CD46: variants seen among roughly 807,000 people sequenced by gnomAD.
CD46 encodes CD46 molecule, also known as membrane cofactor protein.
In CD46, 30 loss-of-function variants were observed where a neutral mutation model predicts 53.3. The observed-to-expected ratio is 0.56, with a 90% CI of 0.42 to 0.76. The LOEUF is 0.76. CD46 is among the 30% of genes least tolerant of loss of function. CD46 has a pLI of 0.00. For synonymous variants in CD46, 142 were observed against 152.0 expected (o/e 0.93, Z 0.48); for missense variants, 409 against 463.0 (o/e 0.88, Z 1.07).
chr1:207,767,603 C>G (rs1657009514), intron 6 of CD46, 176 bp from the exon 7 acceptor site: 1 of 1,611,034 alleles, frequency 6.2e-7, no homozygotes, highest in Non-Finnish European at 8.5e-7. Flanking sequence ...ATTTTGTTTC[C>G]TAGTGCTGCC....
chr1:207,789,324 T>G (rs1447175506), intron 11 of CD46, among the ~76,000 whole-genome samples: 3 of 152,214 alleles, frequency 2.0e-5, no homozygotes, highest in African/African-American at 7.2e-5. Flanking sequence ...TGACTTTTAA[T>G]GTTACATTAA....
At chr1:207,754,259 T>C (rs552615329) in intron 1 of CD46, among the ~76,000 whole-genome samples, 1 of 152,322 alleles carries the variant, frequency 6.6e-6, no homozygotes, top group African/African-American at 2.4e-5. Context: ...GGGGCATCTG[T>C]GCTTGCTGTT....
At chr1:207,776,519 A>G (rs906409698) in intron 8 of CD46, among the ~76,000 whole-genome samples, 19 of 152,378 alleles carry the variant, frequency 1.2e-4, no homozygotes, top group African/African-American at 3.8e-4. Context: ...AAATTTTTTT[A>G]AATTAAAAAC....
chr1:207,792,614 G>A (rs1010518809), intron 12 of CD46, among the ~76,000 whole-genome samples: 8 of 152,228 alleles, frequency 5.3e-5, no homozygotes, highest in African/African-American at 1.7e-4. Context: ...ATGCTTAGCT[G>A]TGACATTGGA....
In CD46 at chr1:207,773,605, C is replaced by T. The variant is rs1410052838; in HGVS notation, c.943+3243C>T. 2.0e-5 allele frequency among the ~76,000 whole-genome samples: 3 copies of T among 152,094 alleles called. No individual in the cohort carries two copies. The East Asian group carries it at 5.8e-4, about 29-fold the overall frequency. On this transcript the variant is annotated intron_variant, in intron 8 of 12. Coordinates refer to ENST00000367042, the MANE Select transcript of CD46 (RefSeq NM_172351.3). ...TTCTGGTACGTTGTATCTTTGTTCT[C>T]GTTGGTTTTAAAGAACAACTTTATT...
At chr1:207,754,921 A>G (rs914627856) in intron 1 of CD46, among the ~76,000 whole-genome samples, 3 of 150,570 alleles carry the variant, frequency 2.0e-5, no homozygotes, top group African/African-American at 7.4e-5. Flanking sequence ...CAGCCTGGAC[A>G]GCATAAGCAG....
intron 8 of CD46, among the ~76,000 whole-genome samples, chr1:207,776,569 A>G (rs1490700425): frequency 2.6e-5 from 4 of 152,318 alleles, no homozygotes; most frequent in South Asian, 4.1e-4. Context: ...TTTTTAAATG[A>G]TGGGTGAAAA....
chr1:207,785,717 C>A, intron 11 of CD46, 35 bp downstream of exon 11: 3 of 1,322,756 alleles, frequency 2.3e-6, no homozygotes, highest in South Asian at 2.4e-5. Context: ...ACTTCTTGGT[C>A]CTTCTTATAC....
chr1:207,757,230 C>G (rs780889688), intron 2 of CD46, 28 bp downstream of exon 2: 2 of 1,521,294 alleles, frequency 1.3e-6, no homozygotes, highest in African/African-American at 2.8e-5. Flanking sequence ...TTTTTTTTTT[C>G]TGCTTGCTCT....
In CD46 at chr1:207,764,133, C is replaced by T. The variant is rs554018212; in HGVS notation, c.673+2687C>T. Among the ~76,000 whole-genome samples, 60 of 152,246 alleles carry T rather than the reference C, an allele frequency of 3.9e-4. 1 individual carries two copies. The highest frequency in any genetic ancestry group is 3.3e-3 in the South Asian group (16 of 4,820). ...AGAGACCTCAGATCCCCTCAGGTGGCGCCTTGTGATAGGCGGTGTTCTGGG... is the reference window on the plus strand; with the variant it reads ...AGAGACCTCAGATCCCCTCAGGTGGTGCCTTGTGATAGGCGGTGTTCTGGG... On this transcript the variant is annotated intron_variant, in intron 5 of 12. Coordinates refer to ENST00000367042, the MANE Select transcript of CD46 (RefSeq NM_172351.3).
chr1:207,781,941 GA>G (rs146835484), intron 8 of CD46, among the ~76,000 whole-genome samples: 3 of 144,628 alleles, frequency 2.1e-5, no homozygotes, highest in Admixed American at 1.4e-4. Context: ...TTCTATTTCA[GA>G]AAAAAAAAAC....
intron 3 of CD46, 102 bp from the exon 4 acceptor site, chr1:207,759,537 C>T (rs1655949963): frequency 2.9e-6 from 2 of 692,044 alleles, no homozygotes; most frequent in African/African-American, 1.8e-5. Context: ...CCCCCTCAAA[C>T]TACTGTAGTG....
chr1:207,793,578 A>G lies in CD46; in HGVS notation c.*101A>G. 6.2e-7 allele frequency: 1 copy of G among 1,613,908 alleles called. No individual in the cohort carries two copies. The highest frequency in any genetic ancestry group is 1.1e-5 in the South Asian group (1 of 91,080). Reference sequence around the variant, plus strand: ...CAGACTAAATCAACCACTCCAGCAGAGCAGAGAGGCTGAATAGATTCCACA... The same window carrying G: ...CAGACTAAATCAACCACTCCAGCAGGGCAGAGAGGCTGAATAGATTCCACA... On this transcript the variant is annotated 3_prime_UTR_variant, in exon 13 of 13. Transcript: ENST00000367042.
rs575090473 is a variant in CD46 at position 207,790,462 on chromosome 1, A to G, written c.*41+117A>G. 2.6e-4 allele frequency: 167 copies of G among 641,300 alleles called. 1 individual carries two copies. The highest frequency in any genetic ancestry group is 1.2e-3 in the Middle Eastern group (3 of 2,406). The allele number at this position is 641,300 out of a possible 1,614,324, so 39.7% of individuals were successfully genotyped here. A position where few individuals can be genotyped will look rare whatever the true frequency, so the allele number is the denominator to read the frequency against. On this transcript the variant is annotated intron_variant, in intron 12 of 12. Coordinates refer to ENST00000367042, the MANE Select transcript of CD46 (RefSeq NM_172351.3). ...ATTGGCAGTAAATATCAAAGAGGAA[A>G]TTTACATTCCTGTTCCCTTTGCTAA...
intron 3 of CD46, 26 bp downstream of exon 3, chr1:207,757,668 G>A (rs2102542328): frequency 7.3e-7 from 1 of 1,365,006 alleles, no homozygotes; most frequent in Non-Finnish European, 1.0e-6. Flanking sequence ...GAGGAAATAA[G>A]GGAAGTGTTA....
intron 2 of CD46, among the ~76,000 whole-genome samples, 161 bp from the exon 3 acceptor site, chr1:207,757,379 A>G: frequency 6.6e-6 from 1 of 152,214 alleles, no homozygotes; most frequent in East Asian, 1.9e-4. Flanking sequence ...TTTCCTGGCA[A>G]TAGATTGCCT....
At chr1:207,778,715 A>AT (rs1180058122) in intron 8 of CD46, among the ~76,000 whole-genome samples, 6 of 152,176 alleles carry the variant, frequency 3.9e-5, no homozygotes, top group African/African-American at 1.4e-4. Context: ...GAAGTCAGGT[A>AT]ATGTGATGCC....
At chr1:207,793,058 G>C (rs113536382) in intron 12 of CD46, among the ~76,000 whole-genome samples, 1,645 of 152,284 alleles carry the variant, frequency 0.011, 18 homozygotes, top group Admixed American at 0.015. Context: ...GTAAACTTTA[G>C]TTATTTAGGA....
rs1408020426 is a variant in CD46, at chr1:207,794,597, T to C, written c.*1120T>C. ...GGCTAGTAAAAGCCATCTATGTATA[T>C]GTCTTACCTCATCTCCTAAAAGGCA... is the stretch of plus-strand genomic sequence containing the variant. On this transcript the variant is annotated 3_prime_UTR_variant, in exon 13 of 13. Transcript: ENST00000367042. 1 of 152,270 alleles carries C rather than the reference T, an allele frequency of 6.6e-6. No homozygotes were observed. Among genetic ancestry groups the C allele is most frequent in the African/African-American group, 2.4e-5 (1 of 41,476 alleles). 9.4% of individuals were successfully genotyped at this position (152,270 alleles called of 1,614,324 possible).
Sources: gnomAD v4.1 joint callset for allele counts (sites outside exome capture counted in the v4.1 genomes callset) on GRCh38, gnomAD v4.1.1 for gene constraint, MANE v1.5 for transcripts, NCBI Gene and HGNC (gene_info 2026-07-23, HGNC 2026-07-21) for gene names.